The following GRM4 variants were observed in gnomAD, a reference collection of about 807,000 sequenced individuals.
The protein encoded by GRM4 is glutamate metabotropic receptor 4.
Under a neutral mutation model 81.7 loss-of-function variants are expected in GRM4, and 28 were observed. The ratio of observed to expected loss-of-function variants is 0.34; its 90% CI spans 0.25 to 0.47. The LOEUF (loss-of-function observed/expected upper bound fraction) is 0.47. GRM4 is among the 20% of genes least tolerant of loss of function. GRM4 has a pLI of 1.00. For missense variants in GRM4, 948 were observed against 1,290.0 expected (o/e 0.73, Z 4.06); for synonymous variants, 488 against 528.8 (o/e 0.92, Z 1.06).
In GRM4 at chr6:34,133,736, C is replaced by G; in HGVS notation, c.-240G>C. Reference sequence around the variant, plus strand: ...CAGTGGCCGGGGTTGCAGGAAGGCTCTGATCCTTGTCCCGTCCTGCAGGCC... The same window carrying G: ...CAGTGGCCGGGGTTGCAGGAAGGCTGTGATCCTTGTCCCGTCCTGCAGGCC... On this transcript the variant is annotated 5_prime_UTR_variant, in exon 2 of 11. Coordinates refer to ENST00000538487, the MANE Select transcript of GRM4 (RefSeq NM_000841.4). This position sits in a 1 kb window ranked among gnomAD's most constrained non-coding sequence, Gnocchi z 6.5. The G allele has an allele frequency of 7.8e-7, 1 of 1,289,228 alleles. No individual in the cohort carries two copies. Among genetic ancestry groups the G allele is most frequent in the Non-Finnish European group, 9.8e-7 (1 of 1,022,404 alleles). 79.9% of individuals were successfully genotyped at this position (1,289,228 alleles called of 1,614,324 possible).
intron 8 of GRM4, among the ~76,000 whole-genome samples, chr6:34,037,917 G>T (rs2127444583): frequency 6.6e-6 from 1 of 151,830 alleles, no homozygotes; most frequent in East Asian, 1.9e-4. Context: ...AAGTAGGGAT[G>T]CCTCGTGGCA....
At chr6:34,083,695 G>GCAGGGTCCCTGGGTCC (rs1413555781) in intron 3 of GRM4, among the ~76,000 whole-genome samples, 12 of 152,212 alleles carry the variant, frequency 7.9e-5, no homozygotes, top group Non-Finnish European at 1.5e-4. Context: ...GCCTTGGGCC[G>GCAGGGTCCCTGGGTCC]CAGGGTCCCT....
intron 6 of GRM4, among the ~76,000 whole-genome samples, chr6:34,041,738 G>T (rs1039321885): frequency 2.6e-5 from 4 of 152,254 alleles, no homozygotes; most frequent in East Asian, 3.8e-4. Flanking sequence ...AGGTCCCTGG[G>T]CTGGAGCAGG....
chr6:34,086,306 G>T (rs1190055853), intron 3 of GRM4, among the ~76,000 whole-genome samples: 1 of 152,228 alleles, frequency 6.6e-6, no homozygotes, highest in Non-Finnish European at 1.5e-5. Flanking sequence ...ATGCCACTGT[G>T]CTGACAGAGG....
At position 34,034,890 on chromosome 6, in the gene GRM4, C is replaced by A. The variant is rs1002518664; in HGVS notation, c.2442+778G>T. ...ACACCCCCGAGTCACCCAGCCAGCA[C>A]CAGGACTGGGATGTGGGCCGAGCAT... is the stretch of plus-strand genomic sequence containing the variant. On this transcript the variant is annotated intron_variant, in intron 9 of 10. Coordinates refer to ENST00000538487, the MANE Select transcript of GRM4 (RefSeq NM_000841.4). The surrounding 1 kb of genome is among the most constrained non-coding windows in gnomAD (Gnocchi z 4.0). 6.6e-6 allele frequency among the ~76,000 whole-genome samples: 1 copy of A among 152,146 alleles called. No individual in the cohort carries two copies. The highest frequency in any genetic ancestry group is 2.4e-5 in the African/African-American group (1 of 41,380).
Position 34,035,652 on chromosome 6 carries a change from G to T in GRM4, c.2442+16C>A. 2 of 633,814 alleles carry T rather than the reference G, an allele frequency of 3.2e-6. No individual in the cohort carries two copies. Among genetic ancestry groups the T allele is most frequent in the Non-Finnish European group, 5.7e-6 (2 of 349,918 alleles). The allele number at this position is 633,814 out of a possible 1,614,324, so 39.3% of individuals were successfully genotyped here. On this transcript the variant is annotated intron_variant, in intron 9 of 10. Coordinates refer to ENST00000538487, the MANE Select transcript of GRM4 (RefSeq NM_000841.4). The surrounding 1 kb of genome is among the most constrained non-coding windows in gnomAD (Gnocchi z 6.6). ...CCTCACCTACCCACCGTCCACCCCC[G>T]GCCCCCACCACTCACCTTGTCGGCC...
At position 34,090,726 on chromosome 6, in the gene GRM4, G is replaced by A. The variant is rs1196519442; in HGVS notation, c.736+1157C>T. On this transcript the variant is annotated intron_variant, in intron 3 of 10. Transcript: ENST00000538487. This position sits in a 1 kb window ranked among gnomAD's most constrained non-coding sequence, Gnocchi z 5.2. ...AGGGGCTTATCCGAGATTTATAGCA[G>A]GATTATGCCCACGGGGTGTTACCAA... is the stretch of plus-strand genomic sequence containing the variant. Among the ~76,000 whole-genome samples the A allele has an allele frequency of 2.0e-5, 3 of 152,000 alleles. No individual in the cohort carries two copies. Among genetic ancestry groups the A allele is most frequent in the Non-Finnish European group, 4.4e-5 (3 of 67,984 alleles).
chr6:34,102,035 C>A (rs571291990), intron 2 of GRM4: 21 of 1,535,488 alleles, frequency 1.4e-5, no homozygotes, highest in Middle Eastern at 1.7e-4. Flanking sequence ...TCCTCCACCC[C>A]CAAAGCATGG....
Position 34,059,840 on chromosome 6 carries a change from G to A in GRM4, c.873-712C>T, listed in dbSNP as rs1167488336. 1.3e-5 allele frequency: 2 copies of A among 152,310 alleles called. No individual in the cohort carries two copies. Among genetic ancestry groups the A allele is most frequent in the East Asian group, 1.9e-4 (1 of 5,200 alleles). The allele number at this position is 152,310 out of a possible 1,614,324, so 9.4% of individuals were successfully genotyped here. ...GCAAGCGCTCAGCCAGGGCTTCATG[G>A]AGGCATGAATTAAGTGGCCCCTCAA... On this transcript the variant is annotated intron_variant, in intron 4 of 10. Transcript: ENST00000538487. This position sits in a 1 kb window ranked among gnomAD's most constrained non-coding sequence, Gnocchi z 5.7.
rs1289648867 is a variant in GRM4, at chr6:34,080,151, T to C, written c.736+11732A>G. On this transcript the variant is annotated intron_variant, in intron 3 of 10. Coordinates refer to ENST00000538487, the MANE Select transcript of GRM4 (RefSeq NM_000841.4). The surrounding 1 kb of genome is among the most constrained non-coding windows in gnomAD (Gnocchi z 5.4). ...GCCAGTTCCCCTGCCTGGGGCCCTC[T>C]TCCCACAGATCTCCACCTGGCTAAT... is the stretch of plus-strand genomic sequence containing the variant. 6.6e-6 allele frequency among the ~76,000 whole-genome samples: 1 copy of C among 151,978 alleles called. No individual in the cohort carries two copies. The highest frequency in any genetic ancestry group is 2.4e-5 in the African/African-American group (1 of 41,350).
chr6:34,029,866 G>T (rs1764326562), intron 9 of GRM4, among the ~76,000 whole-genome samples: 1 of 152,240 alleles, frequency 6.6e-6, no homozygotes, highest in African/African-American at 2.4e-5. Context: ...GGCTGGCGTG[G>T]CCCAGGTCAG....
At position 34,069,122 on chromosome 6, in the gene GRM4, G is replaced by A. The variant is rs2127467309; in HGVS notation, c.737-7094C>T. ...CCGGCTCCCATAGGGGAGGACAGAG[G>A]GGAGGACAGGGGCTGGAAGCTACCC... On this transcript the variant is annotated intron_variant, in intron 3 of 10. Transcript: ENST00000538487. The surrounding 1 kb of genome is among the most constrained non-coding windows in gnomAD (Gnocchi z 6.4). Among the ~76,000 whole-genome samples, 1 of 151,408 alleles carries A rather than the reference G, an allele frequency of 6.6e-6. No individual in the cohort carries two copies. The highest frequency in any genetic ancestry group is 2.4e-5 in the African/African-American group (1 of 41,202).
chr6:34,135,245 G>A (rs1770413415), intron 1 of GRM4, among the ~76,000 whole-genome samples: 2 of 152,206 alleles, frequency 1.3e-5, no homozygotes, highest in African/African-American at 4.8e-5. Flanking sequence ...TCTGGGCCAA[G>A]GGGAGGGAAG....
chr6:34,043,767 T>C (rs2451327), intron 6 of GRM4, among the ~76,000 whole-genome samples: 3,599 of 152,236 alleles, frequency 0.024, 127 homozygotes, highest in African/African-American at 0.071. Flanking sequence ...TGGATGCTAG[T>C]GTGGATATCC....
upstream of GRM4, among the ~76,000 whole-genome samples, chr6:34,148,282 C>A (rs1770979762): frequency 1.3e-5 from 2 of 152,058 alleles, no homozygotes; most frequent in South Asian, 4.2e-4. Context: ...CCCCCCTTGC[C>A]CAGCTGGGGC....
At chr6:34,026,854 A>G (rs1764158008) in intron 10 of GRM4, among the ~76,000 whole-genome samples, 1 of 152,182 alleles carries the variant, frequency 6.6e-6, no homozygotes, top group Non-Finnish European at 1.5e-5. Context: ...AGCATATCTG[A>G]CAGACCTGCT....
rs79788506 is a variant in GRM4 at position 34,047,314 on chromosome 6, G to A, written c.1169-6566C>T. Among the ~76,000 whole-genome samples the A allele has an allele frequency of 4.4e-3, 664 of 152,058 alleles. 4 individuals are homozygous for A. The highest frequency in any genetic ancestry group is 0.014 in the African/African-American group (569 of 41,460). On this transcript the variant is annotated intron_variant, in intron 6 of 10. Transcript: ENST00000538487. The surrounding 1 kb of genome is among the most constrained non-coding windows in gnomAD (Gnocchi z 4.5). The stretch of plus-strand genomic sequence containing the variant: ...CCCCACTCCTTCCCCACCAACATGC[G>A]ATGGGCGAGGGATGCCCACCGCATA...
chr6:34,073,261 G>T (rs111218613), intron 3 of GRM4, among the ~76,000 whole-genome samples: 1 of 84 alleles, frequency 0.012, no homozygotes. Flanking sequence ...TCACCACATA[G>T]ATACCACGTC....
Position 34,037,635 on chromosome 6 carries a change from C to T in GRM4, c.1507-1032G>A, listed in dbSNP as rs181550528. ...ATCCCAGCACTTTGGGAGGGCAAGG[C>T]GGGAGGATCATGAGGTCAAGAGATC... On this transcript the variant is annotated intron_variant, in intron 8 of 10. Coordinates refer to ENST00000538487, the MANE Select transcript of GRM4 (RefSeq NM_000841.4). Among the ~76,000 whole-genome samples, 593 of 151,952 alleles carry T rather than the reference C, an allele frequency of 3.9e-3. 2 individuals are homozygous for T. The highest frequency in any genetic ancestry group is 0.014 in the African/African-American group (563 of 41,444).
Sources: allele counts gnomAD v4.1 joint callset (sites outside exome capture counted in the v4.1 genomes callset), GRCh38; gene constraint gnomAD v4.1.1; non-coding constraint Gnocchi (gnomAD v3.1); transcripts MANE v1.5; gene names NCBI Gene and HGNC (gene_info 2026-07-23, HGNC 2026-07-21).